Variants in PRND observed in about 807,000 individuals in gnomAD.
PRND encodes the protein prion-like protein doppel.
For synonymous variants in PRND, 94 were observed against 93.2 expected, an observed-to-expected ratio of 1.01 and a Z score of -0.05; for missense variants, 227 against 223.3, an observed-to-expected ratio of 1.02 and a Z score of -0.11.
Position 4,725,385 on chromosome 20 carries a change from C to T in PRND, c.*303C>T. 1 of 356,430 alleles carries T rather than the reference C, an allele frequency of 2.8e-6. No individual in the cohort carries two copies. The highest frequency in any genetic ancestry group is 5.5e-6 in the Non-Finnish European group (1 of 182,790). The allele number at this position is 356,430 out of a possible 1,614,324, so 22.1% of individuals were successfully genotyped here. A position where few individuals can be genotyped will look rare whatever the true frequency, so the allele number is the denominator to read the frequency against. Reference sequence around the variant, plus strand: ...CTGCGCCACCTGCTTCACAGTACTTCCCAACAACTCTTAGAGGTAGGTGTA... The same window carrying T: ...CTGCGCCACCTGCTTCACAGTACTTTCCAACAACTCTTAGAGGTAGGTGTA... On this transcript the variant is annotated 3_prime_UTR_variant, in exon 2 of 2. Transcript: ENST00000305817.
Position 4,725,194 on chromosome 20 carries a change from T to A in PRND, c.*112T>A. 7.3e-7 allele frequency: 1 copy of A among 1,376,270 alleles called. No homozygotes were observed. Among genetic ancestry groups the A allele is most frequent in the South Asian group, 1.3e-5 (1 of 75,658 alleles). 85.3% of individuals were successfully genotyped at this position (1,376,270 alleles called of 1,614,324 possible). ...TTCTGAAGGTGCCCAGGAGCGGCGA[T>A]GCACTCGCACTGCAAATGCCGCTCT... On this transcript the variant is annotated 3_prime_UTR_variant, in exon 2 of 2. Coordinates refer to ENST00000305817, the MANE Select transcript of PRND (RefSeq NM_012409.4).
In PRND at chr20:4,724,907, A is replaced by G. The variant is rs1923216883; in HGVS notation, c.356A>G (p.Glu119Gly). ...INATQAANQGEFQKPDNKLHQ... is the reference protein window; with the variant it reads ...INATQAANQGGFQKPDNKLHQ... ...GCCACCCAGGCGGCGAACCAGGGGG[A>G]GTTCCAGAAGCCAGACAACAAGCTC... is the stretch of plus-strand genomic sequence containing the variant. The change falls in exon 2 of 2, where the codon GAG becomes GGG. Residue 119 changes from glutamate (E) to glycine (G), a missense_variant. Physicochemically the swap from Glu to Gly is moderately conservative, Grantham distance 98 (BLOSUM62 -2). Transcript: ENST00000305817. This position sits in a 1 kb window ranked among gnomAD's most constrained non-coding sequence, Gnocchi z 4.8. 1.2e-6 allele frequency: 2 copies of G among 1,614,090 alleles called. No individual in the cohort carries two copies. The highest frequency in any genetic ancestry group is 4.5e-5 in the East Asian group (2 of 44,868).
At position 4,724,693 on chromosome 20, in the gene PRND, G is replaced by A. The variant is rs1448865532; in HGVS notation, c.142G>A (p.Glu48Lys). Residue 48 changes from glutamate (E) to lysine (K), a missense_variant, in exon 2 of 2, where the codon GAG becomes AAG. Transcript: ENST00000305817. The surrounding 1 kb of genome is among the most constrained non-coding windows in gnomAD (Gnocchi z 4.8). ...CCTGCCCAGCACTGCCCAGATCACT[G>A]AGGCCCAGGTGGCTGAGAACCGCCC... ...KALPSTAQIT[E>K]AQVAENRPGA... 1 of 1,614,202 alleles carries A rather than the reference G, an allele frequency of 6.2e-7. No individual in the cohort carries two copies. Among genetic ancestry groups the A allele is most frequent in the East Asian group, 2.2e-5 (1 of 44,874 alleles).
chr20:4,725,002 A>G lies in PRND; in HGVS notation c.451A>G (p.Arg151Gly). The G allele has an allele frequency of 1.2e-6, 2 of 1,613,516 alleles. No homozygotes were observed. Among genetic ancestry groups the G allele is most frequent in the Non-Finnish European group, 1.7e-6 (2 of 1,179,878 alleles). ...CAAGCATTGCGAGTTTTGGTTGGAG[A>G]GGGGCGCAGGACTTCGGGTCACCAT... ...SLKHCEFWLE[R>G]GAGLRVTMHQ... The change falls in exon 2 of 2, where the codon AGG (arginine) becomes GGG (glycine). Residue 151 changes from arginine to glycine, a missense_variant. Coordinates refer to ENST00000305817, the MANE Select transcript of PRND (RefSeq NM_012409.4).
In PRND at chr20:4,726,202, G is replaced by A. The variant is rs992950014; in HGVS notation, c.*1120G>A. 6.1e-5 allele frequency: 9 copies of A among 147,244 alleles called. No homozygotes were observed. Among genetic ancestry groups the A allele is most frequent in the Non-Finnish European group, 1.4e-4 (9 of 64,934 alleles). 9.1% of individuals were successfully genotyped at this position (147,244 alleles called of 1,614,324 possible). A position where few individuals can be genotyped will look rare whatever the true frequency, so the allele number is the denominator to read the frequency against. ...TGTTCCCATCCCTGAAACATTGCAT[G>A]TATTTAAGAAAAACAAAATGTTAGT... On this transcript the variant is annotated 3_prime_UTR_variant, in exon 2 of 2. Coordinates refer to ENST00000305817, the MANE Select transcript of PRND (RefSeq NM_012409.4).
At position 4,724,606 on chromosome 20, in the gene PRND, A is replaced by G; in HGVS notation, c.55A>G (p.Ser19Gly). The G allele has an allele frequency of 1.9e-6, 3 of 1,614,158 alleles. No homozygotes were observed. The South Asian group carries it at 3.3e-5, about 18-fold the overall frequency. ...GGCCACTGTCTGCATGCTGCTCTTC[A>G]GCCACCTCTCTGCGGTCCAGACGAG... ...WLATVCMLLF[S>G]HLSAVQTRGI... The change falls in exon 2 of 2, where the codon AGC (serine) becomes GGC (glycine). Residue 19 changes from serine to glycine, a missense_variant. Transcript: ENST00000305817. This position sits in a 1 kb window ranked among gnomAD's most constrained non-coding sequence, Gnocchi z 4.8.
Position 4,724,863 on chromosome 20 carries a change from T to A in PRND, c.312T>A (p.Phe104Leu), listed in dbSNP as rs1354082694. 2 of 1,614,044 alleles carry A rather than the reference T, an allele frequency of 1.2e-6. No individual in the cohort carries two copies. Among genetic ancestry groups the A allele is most frequent in the African/African-American group, 2.7e-5 (2 of 74,914 alleles). Residue 104 changes from phenylalanine (F) to leucine (L), a missense_variant, in exon 2 of 2, where the codon TTT becomes TTA. Transcript: ENST00000305817. The surrounding 1 kb of genome is among the most constrained non-coding windows in gnomAD (Gnocchi z 4.8). ...AGGCTAATGTGACCAAGGAGGCATT[T>A]GTCACCGGCTGCATCAATGCCACCC... ...CSEANVTKEA[F>L]VTGCINATQA... is the part of the protein sequence containing the mutation.
Position 4,724,599 on chromosome 20 carries a change from G to A in PRND, c.48G>A (p.Leu16=), listed in dbSNP as rs1209718310. ...GGTGGCTGGCCACTGTCTGCATGCT[G>A]CTCTTCAGCCACCTCTCTGCGGTCC... ...SWWWLATVCM[L]LFSHLSAVQT... is the part of the protein sequence containing the mutation. Residue 16 remains leucine (L), a synonymous_variant, in exon 2 of 2, where the codon CTG becomes CTA. Transcript: ENST00000305817. The surrounding 1 kb of genome is among the most constrained non-coding windows in gnomAD (Gnocchi z 4.8). 1 of 1,614,154 alleles carries A rather than the reference G, an allele frequency of 6.2e-7. No homozygotes were observed. Among genetic ancestry groups the A allele is most frequent in the Non-Finnish European group, 8.5e-7 (1 of 1,180,038 alleles).
In PRND at chr20:4,724,762, G is replaced by C. The variant is rs762583280; in HGVS notation, c.211G>C (p.Gly71Arg). The C allele has an allele frequency of 6.2e-7, 1 of 1,614,188 alleles. No homozygotes were observed. The highest frequency in any genetic ancestry group is 1.1e-5 in the South Asian group (1 of 91,082). ...KQGRKLDIDF[G>R]AEGNRYYEAN... ...AGGCCGCAAGCTCGACATTGACTTC[G>C]GAGCCGAGGGCAACAGGTACTACGA... Residue 71 changes from glycine to arginine, a missense_variant, in exon 2 of 2, where the codon GGA becomes CGA. By Grantham distance (125) the Gly-to-Arg change is moderately radical (BLOSUM62 -2). Coordinates refer to ENST00000305817, the MANE Select transcript of PRND (RefSeq NM_012409.4). The surrounding 1 kb of genome is among the most constrained non-coding windows in gnomAD (Gnocchi z 4.8).
chr20:4,723,669 G>T (rs1404228163), intron 1 of PRND, among the ~76,000 whole-genome samples: 5 of 152,204 alleles, frequency 3.3e-5, no homozygotes, highest in Admixed American at 2.0e-4. Context: ...ACAATCTAAA[G>T]TCGGCACAGT....
At chr20:4,723,478 G>A (rs1422975493) in intron 1 of PRND, among the ~76,000 whole-genome samples, 1 of 152,174 alleles carries the variant, frequency 6.6e-6, no homozygotes, top group African/African-American at 2.4e-5. Flanking sequence ...CCTGGACATA[G>A]GGGAGGCAGG....
Position 4,726,954 on chromosome 20 carries a change from A to T in PRND, c.*1872A>T, listed in dbSNP as rs536659881. On this transcript the variant is annotated 3_prime_UTR_variant, in exon 2 of 2. Transcript: ENST00000305817. ...GGGTTCACGTCACTGCCAGAGCTAC[A>T]CTCGCCTTCTGCTTCCACGGTCCTG... The T allele has an allele frequency of 6.0e-6, 1 of 167,052 alleles. No individual in the cohort carries two copies. Among genetic ancestry groups the T allele is most frequent in the South Asian group, 2.1e-4 (1 of 4,828 alleles). 10.3% of individuals were successfully genotyped at this position (167,052 alleles called of 1,614,324 possible).
rs901968514 is a variant in PRND, at chr20:4,725,000, A to G, written c.449A>G (p.Glu150Gly). ...CTCAAGCATTGCGAGTTTTGGTTGG[A>G]GAGGGGCGCAGGACTTCGGGTCACC... Reference protein sequence around the residue: ...CSLKHCEFWLERGAGLRVTMH... With the variant: ...CSLKHCEFWLGRGAGLRVTMH... Residue 150 changes from glutamate to glycine, a missense_variant, in exon 2 of 2, where the codon GAG becomes GGG. Transcript: ENST00000305817. This position sits in a 1 kb window ranked among gnomAD's most constrained non-coding sequence, Gnocchi z 4.8. The G allele has an allele frequency of 5.0e-6, 8 of 1,613,512 alleles. No homozygotes were observed. In the East Asian group the frequency reaches 1.6e-4, roughly 31 times the overall value.
chr20:4,727,593 A>T lies in PRND; in HGVS notation c.*2511A>T, dbSNP rs189249175. On this transcript the variant is annotated 3_prime_UTR_variant, in exon 2 of 2. Transcript: ENST00000305817. ...TAAGTTTATTGTAAAAGTGACATGA[A>T]AATTACAACAGATATTCCAGACCAA... 6.0e-6 allele frequency: 1 copy of T among 167,158 alleles called. No individual in the cohort carries two copies. Among genetic ancestry groups the T allele is most frequent in the Admixed American group, 6.5e-5 (1 of 15,304 alleles). The allele number at this position is 167,158 out of a possible 1,614,324, so 10.4% of individuals were successfully genotyped here.
intron 1 of PRND, among the ~76,000 whole-genome samples, chr20:4,723,816 C>T (rs950348788): frequency 4.6e-5 from 7 of 151,884 alleles, no homozygotes; most frequent in Non-Finnish European, 4.4e-5. Context: ...CCTGTAGTCC[C>T]AGCTACTCCG....
Position 4,725,004 on chromosome 20 carries a change from G to C in PRND, c.453G>C (p.Arg151Ser). 1 of 1,613,644 alleles carries C rather than the reference G, an allele frequency of 6.2e-7. No homozygotes were observed. Among genetic ancestry groups the C allele is most frequent in the African/African-American group, 1.3e-5 (1 of 74,986 alleles). ...AGCATTGCGAGTTTTGGTTGGAGAG[G>C]GGCGCAGGACTTCGGGTCACCATGC... is the stretch of plus-strand genomic sequence containing the variant. ...SLKHCEFWLE[R>S]GAGLRVTMHQ... is the part of the protein sequence containing the mutation. The change falls in exon 2 of 2, where the codon AGG (arginine) becomes AGC (serine). Residue 151 changes from arginine (R) to serine (S), a missense_variant. By Grantham distance (110) the Arg-to-Ser change is moderately radical. Coordinates refer to ENST00000305817, the MANE Select transcript of PRND (RefSeq NM_012409.4).
rs537917440 is a variant in PRND, at chr20:4,726,525, C to T, written c.*1443C>T. ...CCTTATTAGCTAAAAATATATATAA[C>T]ACAATATGAGTAATGTTTAAGATCT... is the stretch of plus-strand genomic sequence containing the variant. On this transcript the variant is annotated 3_prime_UTR_variant, in exon 2 of 2. Transcript: ENST00000305817. 4.8e-5 allele frequency: 8 copies of T among 167,046 alleles called. No homozygotes were observed. The highest frequency in any genetic ancestry group is 1.0e-4 in the Non-Finnish European group (7 of 68,126). The allele number at this position is 167,046 out of a possible 1,614,324, so 10.3% of individuals were successfully genotyped here. A position where few individuals can be genotyped will look rare whatever the true frequency, so the allele number is the denominator to read the frequency against.
intron 1 of PRND, among the ~76,000 whole-genome samples, chr20:4,723,071 C>G (rs957893589): frequency 6.6e-6 from 1 of 152,128 alleles, no homozygotes; most frequent in Non-Finnish European, 1.5e-5. Context: ...GGGCCCTGCC[C>G]TTTGCCCTTT....
rs776311353 is a variant in PRND, at chr20:4,724,899, C to G, written c.348C>G (p.Asn116Lys). 5 of 1,614,040 alleles carry G rather than the reference C, an allele frequency of 3.1e-6. No individual in the cohort carries two copies. The African/African-American group carries it at 6.7e-5, about 22-fold the overall frequency. Residue 116 changes from asparagine to lysine, a missense_variant, in exon 2 of 2, where the codon AAC becomes AAG. Physicochemically the swap from Asn to Lys is moderately conservative, Grantham distance 94. Coordinates refer to ENST00000305817, the MANE Select transcript of PRND (RefSeq NM_012409.4). This position sits in a 1 kb window ranked among gnomAD's most constrained non-coding sequence, Gnocchi z 4.8. ...TGCINATQAA[N>K]QGEFQKPDNK... ...GCATCAATGCCACCCAGGCGGCGAA[C>G]CAGGGGGAGTTCCAGAAGCCAGACA... is the stretch of plus-strand genomic sequence containing the variant.
Sources: allele counts gnomAD v4.1 joint callset (sites outside exome capture counted in the v4.1 genomes callset), GRCh38; gene constraint gnomAD v4.1.1; non-coding constraint Gnocchi (gnomAD v3.1); transcripts MANE v1.5; gene names NCBI Gene and HGNC (gene_info 2026-07-23, HGNC 2026-07-21).